STK32B: variants seen among roughly 807,000 people sequenced by gnomAD.
STK32B encodes serine/threonine-protein kinase 32B.
A neutral mutation model predicts 52.6 loss-of-function variants in STK32B; 43 were observed. That is an observed-to-expected ratio of 0.82 (90% CI 0.64 to 1.05). The LOEUF (loss-of-function observed/expected upper bound fraction) is 1.05, where lower values mean the gene tolerates loss of function less well. Among genes scored for constraint, STK32B ranks in the 50% least tolerant of loss-of-function variants. The pLI, the probability that STK32B is intolerant of heterozygous loss-of-function variation, is 0.00. For missense variants in STK32B, 621 were observed against 534.6 expected (o/e 1.16, Z -1.59); for synonymous variants, 238 against 204.3 (o/e 1.17, Z -1.41).
chr4:5,053,893 C>G (rs900725160), intron 1 of STK32B, among the ~76,000 whole-genome samples: 2 of 151,496 alleles, frequency 1.3e-5, no homozygotes, highest in South Asian at 4.2e-4. Context: ...GCAGGAGAAT[C>G]GCTTGAACCC....
intron 5 of STK32B, among the ~76,000 whole-genome samples, chr4:5,405,833 A>C (rs1288209073): frequency 6.6e-6 from 1 of 152,154 alleles, no homozygotes; most frequent in Non-Finnish European, 1.5e-5. Context: ...ATTAGACATG[A>C]GATTTGGACA....
chr4:5,242,021 G>A (rs886151053), intron 3 of STK32B, among the ~76,000 whole-genome samples: 1 of 152,158 alleles, frequency 6.6e-6, no homozygotes, highest in African/African-American at 2.4e-5. Flanking sequence ...ATTGTGAACA[G>A]TGCCACAATA....
intron 2 of STK32B, among the ~76,000 whole-genome samples, chr4:5,145,622 T>C (rs999728061): frequency 6.6e-6 from 1 of 152,194 alleles, no homozygotes; most frequent in African/African-American, 2.4e-5. Flanking sequence ...CTTCATAATG[T>C]TTTACATTTT....
intron 3 of STK32B, among the ~76,000 whole-genome samples, chr4:5,231,027 A>G (rs62299962): frequency 0.096 from 14,657 of 152,250 alleles, 1,008 homozygotes; most frequent in Admixed American, 0.2. Context: ...AGACGTAGGT[A>G]TGGCTCAGGT....
chr4:5,300,765 A>T (rs1182564988), intron 3 of STK32B, among the ~76,000 whole-genome samples: 4 of 152,184 alleles, frequency 2.6e-5, no homozygotes, highest in Admixed American at 2.6e-4. Flanking sequence ...AGAACTACAA[A>T]ATATTGCTGA....
intron 1 of STK32B, among the ~76,000 whole-genome samples, chr4:5,123,301 C>G (rs1715172402): frequency 6.6e-6 from 1 of 152,148 alleles, no homozygotes; most frequent in Non-Finnish European, 1.5e-5. Flanking sequence ...TACATGCCTC[C>G]CGGCTGCTAT....
intron 4 of STK32B, among the ~76,000 whole-genome samples, chr4:5,368,433 C>T (rs555840664): frequency 1.3e-5 from 2 of 150,950 alleles, no homozygotes; most frequent in South Asian, 2.1e-4. Flanking sequence ...CCTCACACAA[C>T]GTCATGAGTT....
intron 3 of STK32B, among the ~76,000 whole-genome samples, chr4:5,261,405 G>C (rs1295350845): frequency 1.3e-5 from 2 of 152,212 alleles, no homozygotes; most frequent in Non-Finnish European, 2.9e-5. Flanking sequence ...CTAGGTGAAT[G>C]GTGTTGAGGC....
At chr4:5,369,323 T>C (rs1232347829) in intron 4 of STK32B, among the ~76,000 whole-genome samples, 1 of 151,896 alleles carries the variant, frequency 6.6e-6, no homozygotes, top group East Asian at 1.9e-4. Flanking sequence ...CCTCTAGATT[T>C]CTACATGAGA....
In STK32B at chr4:5,489,621, A is replaced by AT. The variant is rs1193462359; in HGVS notation, c.1107-9318dup. Among the ~76,000 whole-genome samples, 17 of 151,708 alleles carry AT rather than the reference A, an allele frequency of 1.1e-4. No individual in the cohort carries two copies. The East Asian group carries it at 2.2e-3, about 20-fold the overall frequency. On this transcript the variant is annotated intron_variant, in intron 11 of 11. Transcript: ENST00000282908. ...ACAACAATTTTATTTTATTTTATTT[A>AT]TTTTTTATTATTTTTTTTGAGATGG...
intron 5 of STK32B, among the ~76,000 whole-genome samples, chr4:5,405,560 G>T (rs1299179428): frequency 6.6e-6 from 1 of 152,128 alleles, no homozygotes; most frequent in African/African-American, 2.4e-5. Flanking sequence ...AAGAAAAGAG[G>T]TTTAATTGAC....
In STK32B at chr4:5,051,741, T is replaced by G; in HGVS notation, c.-123T>G. The G allele has an allele frequency of 1.5e-6, 2 of 1,378,128 alleles. No homozygotes were observed. Among genetic ancestry groups the G allele is most frequent in the Non-Finnish European group, 9.9e-7 (1 of 1,014,258 alleles). 85.4% of individuals were successfully genotyped at this position (1,378,128 alleles called of 1,614,324 possible). A position where few individuals can be genotyped will look rare whatever the true frequency, so the allele number is the denominator to read the frequency against. On this transcript the variant is annotated 5_prime_UTR_variant, in exon 1 of 12. Transcript: ENST00000282908. ...TGCACGGTGCTCGGCCCCCTCGGGCTCCGCGCGCGGCTACAACCCGGACTG... is the reference window on the plus strand; with the variant it reads ...TGCACGGTGCTCGGCCCCCTCGGGCGCCGCGCGCGGCTACAACCCGGACTG...
intron 3 of STK32B, among the ~76,000 whole-genome samples, chr4:5,329,377 A>C (rs1263594879): frequency 1.3e-5 from 2 of 152,144 alleles, no homozygotes; most frequent in Non-Finnish European, 2.9e-5. Flanking sequence ...GGTTGTGGGT[A>C]CTGCGCCATG....
At chr4:5,481,628 C>A (rs1340918615) in intron 11 of STK32B, among the ~76,000 whole-genome samples, 11 of 152,102 alleles carry the variant, frequency 7.2e-5, no homozygotes, top group African/African-American at 2.7e-4. Context: ...GTTGCCATTG[C>A]TTTTGGTGTT....
intron 1 of STK32B, among the ~76,000 whole-genome samples, chr4:5,095,995 A>G (rs1047892447): frequency 6.6e-6 from 1 of 152,240 alleles, no homozygotes; most frequent in Non-Finnish European, 1.5e-5. Context: ...ATATTATATT[A>G]GTGATTTCAT....
intron 2 of STK32B, among the ~76,000 whole-genome samples, chr4:5,146,304 G>T (rs560895693): frequency 1.3e-5 from 2 of 152,258 alleles, no homozygotes; most frequent in South Asian, 4.1e-4. Flanking sequence ...TAGGGAAACC[G>T]AAAATGCAGC....
intron 3 of STK32B, among the ~76,000 whole-genome samples, chr4:5,270,236 A>G (rs1253297438): frequency 2.0e-5 from 3 of 152,234 alleles, no homozygotes; most frequent in Non-Finnish European, 4.4e-5. Flanking sequence ...GTCCCACAAT[A>G]GTCCATCTGC....
chr4:5,483,756 T>C (rs1718917342), intron 11 of STK32B, among the ~76,000 whole-genome samples: 1 of 152,216 alleles, frequency 6.6e-6, no homozygotes, highest in Non-Finnish European at 1.5e-5. Flanking sequence ...CACACTGCTT[T>C]GAATGTGTCC....
intron 3 of STK32B, among the ~76,000 whole-genome samples, chr4:5,184,684 CAAA>C (rs1553846538): frequency 9.5e-6 from 1 of 105,406 alleles, no homozygotes; most frequent in African/African-American, 3.3e-5. Context: ...GAGACTGTCT[CAAA>C]AAAAAAAAAA....
Sources: gnomAD v4.1 joint callset for allele counts (sites outside exome capture counted in the v4.1 genomes callset) on GRCh38, gnomAD v4.1.1 for gene constraint, MANE v1.5 for transcripts, NCBI Gene and HGNC (gene_info 2026-07-23, HGNC 2026-07-21) for gene names.